Variants in SYN3 observed in about 807,000 individuals in gnomAD.
The protein encoded by SYN3 is synapsin-3.
Under a neutral mutation model 65.8 loss-of-function variants are expected in SYN3, and 35 were observed. The ratio of observed to expected loss-of-function variants is 0.53; its 90% CI spans 0.41 to 0.70. SYN3 has a LOEUF of 0.70. Ranked by LOEUF, SYN3 falls within the 30% of genes least tolerant of loss-of-function variation. SYN3 has a pLI of 0.00. For missense variants in SYN3, 680 were observed against 749.0 expected, an observed-to-expected ratio of 0.91 and a Z score of 1.08; for synonymous variants, 270 against 292.9, an observed-to-expected ratio of 0.92 and a Z score of 0.80.
intron 3 of SYN3, among the ~76,000 whole-genome samples, chr22:32,955,915 C>T (rs73408532): frequency 0.052 from 7,834 of 151,750 alleles, 674 homozygotes; most frequent in African/African-American, 0.18. Flanking sequence ...ATGCTTCCTG[C>T]CCTCTAACAT....
At chr22:32,832,327 A>G (rs1322181475) in intron 6 of SYN3, among the ~76,000 whole-genome samples, 1 of 152,226 alleles carries the variant, frequency 6.6e-6, no homozygotes, top group Admixed American at 6.5e-5. Context: ...ATATAAAGTG[A>G]TGGGACTCTT....
intron 6 of SYN3, among the ~76,000 whole-genome samples, chr22:32,614,971 CA>C (rs10719539): frequency 0.19 from 28,404 of 146,888 alleles, 2,879 homozygotes; most frequent in Non-Finnish European, 0.21. Flanking sequence ...ACAAATGTTC[CA>C]AAAAAAAAAA....
chr22:32,990,285 CATGAATCCATCCATGA>C (rs1194440467), intron 2 of SYN3, among the ~76,000 whole-genome samples: 15 of 141,026 alleles, frequency 1.1e-4, no homozygotes, highest in African/African-American at 4.4e-4. Flanking sequence ...TGAATCCATC[CATGAATCCATCCATGA>C]ATCCATCCAT....
At chr22:32,645,914 G>T (rs1421085709) in intron 6 of SYN3, among the ~76,000 whole-genome samples, 1 of 151,922 alleles carries the variant, frequency 6.6e-6, no homozygotes, top group Non-Finnish European at 1.5e-5. Flanking sequence ...GTTGGGGTGG[G>T]GTGGGGAGCT....
intron 9 of SYN3, among the ~76,000 whole-genome samples, chr22:32,536,384 G>C (rs1308632970): frequency 6.6e-6 from 1 of 152,226 alleles, no homozygotes; most frequent in African/African-American, 2.4e-5. Flanking sequence ...TGGATTAGGT[G>C]CAGCCCTCTC....
At chr22:32,590,151 C>T (rs189019321) in intron 7 of SYN3, among the ~76,000 whole-genome samples, 5 of 152,318 alleles carry the variant, frequency 3.3e-5, no homozygotes, top group East Asian at 3.9e-4. Flanking sequence ...CTATCCCTTC[C>T]GTCCTCTCCG....
chr22:33,028,199 C>A (rs1040190987), intron 1 of SYN3, among the ~76,000 whole-genome samples: 4 of 152,204 alleles, frequency 2.6e-5, no homozygotes, highest in African/African-American at 9.6e-5. Flanking sequence ...GCCCTTTCCC[C>A]TCCAGCACAC....
intron 6 of SYN3, among the ~76,000 whole-genome samples, chr22:32,731,201 C>T (rs1336711836): frequency 2.6e-5 from 4 of 152,256 alleles, no homozygotes; most frequent in East Asian, 1.9e-4. Context: ...TCCAATGCCA[C>T]GCAGGGGAAA....
chr22:32,686,540 G>A (rs1324827624), intron 6 of SYN3, among the ~76,000 whole-genome samples: 1 of 148,388 alleles, frequency 6.7e-6, no homozygotes, highest in African/African-American at 2.5e-5. Flanking sequence ...GAGCCATTGA[G>A]TTTGGTGCTG....
At chr22:32,594,224 G>T (rs2059166542) in intron 7 of SYN3, among the ~76,000 whole-genome samples, 1 of 152,124 alleles carries the variant, frequency 6.6e-6, no homozygotes, top group Non-Finnish European at 1.5e-5. Flanking sequence ...GGGGCAGGGG[G>T]CCTCCTGTGT....
intron 6 of SYN3, among the ~76,000 whole-genome samples, chr22:32,710,077 A>G (rs1337691924): frequency 3.6e-5 from 3 of 82,460 alleles, no homozygotes; most frequent in Admixed American, 1.3e-4. Flanking sequence ...ATATATATGC[A>G]CACACACACA....
intron 7 of SYN3, among the ~76,000 whole-genome samples, chr22:32,569,990 G>A (rs770525536): frequency 3.3e-5 from 5 of 152,130 alleles, no homozygotes; most frequent in Non-Finnish European, 4.4e-5. Context: ...TTCTGGCCCC[G>A]ATGGCTTACG....
intron 3 of SYN3, among the ~76,000 whole-genome samples, chr22:32,961,319 ATCTCTCTCTC>A (rs144339107): frequency 1.3e-5 from 2 of 148,710 alleles, no homozygotes; most frequent in East Asian, 2.0e-4. Flanking sequence ...TCTTTCTAGC[ATCTCTCTCTC>A]TCTCTCTCTC....
chr22:32,670,777 G>A (rs923276603), intron 6 of SYN3, among the ~76,000 whole-genome samples: 1 of 152,364 alleles, frequency 6.6e-6, no homozygotes, highest in Non-Finnish European at 1.5e-5. Context: ...ATGTGGCTAT[G>A]TGGATTGTAT....
intron 7 of SYN3, among the ~76,000 whole-genome samples, chr22:32,568,150 G>A (rs1337388668): frequency 6.6e-6 from 1 of 152,162 alleles, no homozygotes; most frequent in Non-Finnish European, 1.5e-5. Flanking sequence ...CTGTGCCTCT[G>A]GGAGGTCCTG....
At position 33,015,840 on chromosome 22, in the gene SYN3, C is replaced by CTTTT. The variant is rs758927603; in HGVS notation, c.-162-9020_-162-9017dup. Among the ~76,000 whole-genome samples the CTTTT allele has an allele frequency of 5.2e-3, 725 of 139,938 alleles. 4 individuals carry two copies. The highest frequency in any genetic ancestry group is 0.026 in the South Asian group (116 of 4,492). The allele number at this position is 139,938 out of a possible 152,430, so 91.8% of individuals were successfully genotyped here. A position where few individuals can be genotyped will look rare whatever the true frequency, so the allele number is the denominator to read the frequency against. On this transcript the variant is annotated intron_variant, in intron 1 of 13. Coordinates refer to ENST00000358763, the MANE Select transcript of SYN3 (RefSeq NM_003490.4). ...ACTGAACATTTAATAGGCAAATTTT[C>CTTTT]TTTTCTTTTTTTTTTTTTTTAAGAC...
rs1188224009 is a variant in SYN3 at position 32,692,155 on chromosome 22, C to CAA, written c.712-95421_712-95420dup. ...ATACAAAAAAGAAAAGACAAAAAGA[C>CAA]AAAAAAAAAAAAAAAAAAAAACAGG... On this transcript the variant is annotated intron_variant, in intron 6 of 13. Transcript: ENST00000358763. Among the ~76,000 whole-genome samples the CAA allele has an allele frequency of 2.5e-3, 85 of 34,444 alleles. 1 individual carries two copies. The highest frequency in any genetic ancestry group is 4.0e-3 in the African/African-American group (21 of 5,260). 22.6% of individuals were successfully genotyped at this position (34,444 alleles called of 152,430 possible). A position where few individuals can be genotyped will look rare whatever the true frequency, so the allele number is the denominator to read the frequency against.
At chr22:32,904,136 T>C (rs1013141866) in intron 4 of SYN3, among the ~76,000 whole-genome samples, 1 of 152,258 alleles carries the variant, frequency 6.6e-6, no homozygotes, top group Admixed American at 6.5e-5. Flanking sequence ...TTATAAATTA[T>C]GGCAGAGATA....
At chr22:32,895,699 A>G (rs925815489) in intron 4 of SYN3, among the ~76,000 whole-genome samples, 1 of 152,128 alleles carries the variant, frequency 6.6e-6, no homozygotes, top group African/African-American at 2.4e-5. Flanking sequence ...ATTATCTCCC[A>G]TCTCTAAGCC....
Sources: allele counts gnomAD v4.1 joint callset (sites outside exome capture counted in the v4.1 genomes callset), GRCh38; gene constraint gnomAD v4.1.1; transcripts MANE v1.5; gene names NCBI Gene and HGNC (gene_info 2026-07-23, HGNC 2026-07-21).